The following IRX2 variants were observed in gnomAD, a reference collection of about 807,000 sequenced individuals.
IRX2 encodes iroquois-class homeodomain protein IRX-2.
A neutral mutation model predicts 42.9 loss-of-function variants in IRX2; 26 were observed. That is an observed-to-expected ratio of 0.61 (90% CI 0.44 to 0.84). The LOEUF (loss-of-function observed/expected upper bound fraction) is 0.84. IRX2 is among the 40% of genes least tolerant of loss of function. The pLI is 0.00. For missense variants in IRX2, 782 were observed against 713.9 expected (o/e 1.10, Z -1.09); for synonymous variants, 424 against 353.9 (o/e 1.20, Z -2.22).
Position 2,751,575 on chromosome 5 carries a change from G to C in IRX2, c.-162C>G, listed in dbSNP as rs1043433131. On this transcript the variant is annotated 5_prime_UTR_variant, in exon 1 of 4. Coordinates refer to ENST00000302057, the MANE Select transcript of IRX2 (RefSeq NM_033267.5). This position sits in a 1 kb window ranked among gnomAD's most constrained non-coding sequence, Gnocchi z 4.0. ...TAGCCTGGGCGGCCCGCGGGCCGGGGCGGCGGCGGGGTGGCGGTGGCGGCG... is the reference window on the plus strand; with the variant it reads ...TAGCCTGGGCGGCCCGCGGGCCGGGCCGGCGGCGGGGTGGCGGTGGCGGCG... 1 of 264,310 alleles carries C rather than the reference G, an allele frequency of 3.8e-6. No homozygotes were observed. The highest frequency in any genetic ancestry group is 5.8e-6 in the Non-Finnish European group (1 of 173,790). The allele number at this position is 264,310 out of a possible 1,614,324, so 16.4% of individuals were successfully genotyped here.
the IRX2 span, among the ~76,000 whole-genome samples, chr5:2,738,183 T>G: frequency 6.6e-6 from 1 of 152,206 alleles, no homozygotes; most frequent in Non-Finnish European, 1.5e-5. Flanking sequence ...GCCCCTTCCT[T>G]TATAAAACAG....
chr5:2,749,086 G>A (rs1737818156), intron 2 of IRX2, 34 bp from the exon 3 acceptor site: 10 of 1,587,476 alleles, frequency 6.3e-6, no homozygotes, highest in Non-Finnish European at 7.7e-6. Context: ...GTGGCACGAG[G>A]GGACAGCGCA....
the IRX2 span, among the ~76,000 whole-genome samples, chr5:2,738,619 G>A: frequency 1.3e-5 from 2 of 152,184 alleles, 1 homozygote; most frequent in East Asian, 3.9e-4. Flanking sequence ...CAGTGACCCC[G>A]AGTCCAATGG....
chr5:2,739,546 C>T, the IRX2 span, among the ~76,000 whole-genome samples: 1 of 152,186 alleles, frequency 6.6e-6, no homozygotes, highest in Non-Finnish European at 1.5e-5. Flanking sequence ...ACCGGGGGGA[C>T]CGGGGAGGAG....
In IRX2 at chr5:2,751,414, G is replaced by A. The variant is rs939129130; in HGVS notation, c.-1C>T. On this transcript the variant is annotated 5_prime_UTR_variant, in exon 1 of 4. Coordinates refer to ENST00000302057, the MANE Select transcript of IRX2 (RefSeq NM_033267.5). This position sits in a 1 kb window ranked among gnomAD's most constrained non-coding sequence, Gnocchi z 4.0. ...ACAGGTAGCCCTGCGGGTAGGACAT[G>A]GTGGGCGCGGGGCGCGGGGCCCGCG... The A allele has an allele frequency of 2.3e-6, 3 of 1,328,790 alleles. No individual in the cohort carries two copies. The African/African-American group carries it at 4.7e-5, about 21-fold the overall frequency. 82.3% of individuals were successfully genotyped at this position (1,328,790 alleles called of 1,614,324 possible).
chr5:2,751,223 C>A lies in IRX2; in HGVS notation c.191G>T (p.Ser64Ile). The A allele has an allele frequency of 7.4e-7, 1 of 1,358,916 alleles. No homozygotes were observed. Among genetic ancestry groups the A allele is most frequent in the Non-Finnish European group, 9.5e-7 (1 of 1,056,372 alleles). 84.2% of individuals were successfully genotyped at this position (1,358,916 alleles called of 1,614,324 possible). Residue 64 changes from serine to isoleucine, a missense_variant, in exon 1 of 4, where the codon AGC becomes ATC. Ser to Ile is a moderately radical substitution (Grantham distance 142). Around this residue, in one of 3 missense-constraint regions of IRX2, gnomAD observed 256 missense variants for 250.0 expected, o/e 1.02. Coordinates refer to ENST00000302057, the MANE Select transcript of IRX2 (RefSeq NM_033267.5). This position sits in a 1 kb window ranked among gnomAD's most constrained non-coding sequence, Gnocchi z 4.0. ...GGCGTCGGCCGAGTACTGCAGCGGG[C>A]TCCCGAAGCCGGTGGCCGCCTGCGC... ...FTAQAATGFG[S>I]PLQYSADAAA... is the part of the protein sequence containing the mutation.
the IRX2 span, among the ~76,000 whole-genome samples, chr5:2,736,361 A>G: frequency 6.6e-6 from 1 of 152,222 alleles, no homozygotes; most frequent in Admixed American, 6.5e-5. Context: ...CTTTCATCTC[A>G]GGGATTAAAT....
In IRX2 at chr5:2,751,355, C is replaced by T; in HGVS notation, c.59G>A (p.Cys20Tyr). 1 of 1,436,432 alleles carries T rather than the reference C, an allele frequency of 7.0e-7. No individual in the cohort carries two copies. The highest frequency in any genetic ancestry group is 9.1e-7 in the Non-Finnish European group (1 of 1,095,354). 89.0% of individuals were successfully genotyped at this position (1,436,432 alleles called of 1,614,324 possible). A position where few individuals can be genotyped will look rare whatever the true frequency, so the allele number is the denominator to read the frequency against. Reference protein sequence around the residue: ...QAPGSLALYSCPAYGASALAA... With the variant: ...QAPGSLALYSYPAYGASALAA... ...CAAAGCCGACGCGCCGTAGGCCGGG[C>T]ACGAGTAGAGCGCCAGCGAGCCGGG... The change falls in exon 1 of 4, where the codon TGC (cysteine) becomes TAC (tyrosine). Residue 20 changes from cysteine (C) to tyrosine (Y), a missense_variant. This residue lies in a region of IRX2 where 256 missense variants were observed against 250.0 expected (regional missense o/e 1.02). Coordinates refer to ENST00000302057, the MANE Select transcript of IRX2 (RefSeq NM_033267.5). The surrounding 1 kb of genome is among the most constrained non-coding windows in gnomAD (Gnocchi z 4.0).
rs1258431308 is a variant in IRX2 at position 2,746,316 on chromosome 5, AC to A, written c.*1247del. 6.6e-6 allele frequency: 1 copy of A among 152,252 alleles called. No individual in the cohort carries two copies. The highest frequency in any genetic ancestry group is 1.5e-5 in the Non-Finnish European group (1 of 68,038). The allele number at this position is 152,252 out of a possible 1,614,324, so 9.4% of individuals were successfully genotyped here. A position where few individuals can be genotyped will look rare whatever the true frequency, so the allele number is the denominator to read the frequency against. ...CAAAAAGTTTAGATTCCATTGCAATACAACTTGCATAAATTACTAGAAGCTT... is the reference window on the plus strand; with the variant it reads ...CAAAAAGTTTAGATTCCATTGCAATAAACTTGCATAAATTACTAGAAGCTT... On this transcript the variant is annotated 3_prime_UTR_variant, in exon 4 of 4. Coordinates refer to ENST00000302057, the MANE Select transcript of IRX2 (RefSeq NM_033267.5).
the IRX2 span, chr5:2,737,134 C>CA: frequency 6.6e-6 from 1 of 152,228 alleles, no homozygotes; most frequent in African/African-American, 2.4e-5. Context: ...TGTGGAACCC[C>CA]AAAACCTGAC....
At chr5:2,741,806 AC>A (rs1737548138), downstream of IRX2, among the ~76,000 whole-genome samples, 1 of 152,246 alleles carries the variant, frequency 6.6e-6, no homozygotes, top group African/African-American at 2.4e-5. Context: ...TAAGAATATT[AC>A]ATTTCATTTA....
At chr5:2,748,208 ACT>A (rs1203798757) in intron 3 of IRX2, 135 bp downstream of exon 3, 2 of 710,510 alleles carry the variant, frequency 2.8e-6, no homozygotes, top group Non-Finnish European at 4.1e-6. Context: ...CTCCGCCCTC[ACT>A]CTGCTAATTC....
chr5:2,740,152 G>C, the IRX2 span, among the ~76,000 whole-genome samples: 1 of 151,948 alleles, frequency 6.6e-6, no homozygotes, highest in Non-Finnish European at 1.5e-5. Context: ...AGGCGGCCGG[G>C]TCTGGGGCCG....
Position 2,748,368 on chromosome 5 carries a change from C to T in IRX2, c.1340G>A (p.Gly447Asp), listed in dbSNP as rs909493589. 38 of 1,459,206 alleles carry T rather than the reference C, an allele frequency of 2.6e-5. No individual in the cohort carries two copies. Among genetic ancestry groups the T allele is most frequent in the Non-Finnish European group, 3.2e-5 (36 of 1,113,616 alleles). 90.4% of individuals were successfully genotyped at this position (1,459,206 alleles called of 1,614,324 possible). The change falls in exon 3 of 4, where the codon GGC becomes GAC. Residue 447 changes from glycine to aspartate, a missense_variant. Physicochemically the swap from Gly to Asp is moderately conservative, Grantham distance 94. This residue lies in a region of IRX2 where 520 missense variants were observed against 437.8 expected (regional missense o/e 1.19). Transcript: ENST00000302057. Reference sequence around the variant, plus strand: ...ACCTTTCTTGGGCTCGTAGCCGCCGCCCGGGGACCGGTAGTGGGACTCGAG... The same window carrying T: ...ACCTTTCTTGGGCTCGTAGCCGCCGTCCGGGGACCGGTAGTGGGACTCGAG... ...HPLESHYRSP[G>D]GGYEPKKDAS...
At chr5:2,736,416 GA>G in the IRX2 span, among the ~76,000 whole-genome samples, 2 of 152,196 alleles carry the variant, frequency 1.3e-5, no homozygotes, top group Admixed American at 6.5e-5. Context: ...ACTTTTTAAT[GA>G]AAACTTTTTA....
rs1449342352 is a variant in IRX2, at chr5:2,749,373, C to T, written c.655+9G>A. On this transcript the variant is annotated intron_variant, in intron 2 of 3. Coordinates refer to ENST00000302057, the MANE Select transcript of IRX2 (RefSeq NM_033267.5). ...CCCCGAGACCTTGCGCCGGCCGCTGCCCGCTCACCTTCGTCCTCTGCCGAG... is the reference window on the plus strand; with the variant it reads ...CCCCGAGACCTTGCGCCGGCCGCTGTCCGCTCACCTTCGTCCTCTGCCGAG... 6.3e-7 allele frequency: 1 copy of T among 1,584,554 alleles called. No individual in the cohort carries two copies. Among genetic ancestry groups the T allele is most frequent in the African/African-American group, 1.4e-5 (1 of 73,252 alleles).
chr5:2,750,370 G>A (rs1737897077), intron 1 of IRX2, among the ~76,000 whole-genome samples: 1 of 152,220 alleles, frequency 6.6e-6, no homozygotes, highest in Non-Finnish European at 1.5e-5. Context: ...AGGCCCCAGC[G>A]ACTCGGTCGC....
At position 2,749,031 on chromosome 5, in the gene IRX2, G is replaced by T; in HGVS notation, c.677C>A (p.Ser226Ter). ...GGCCGAGCACGAGTGATCCGTGAGC[G>T]AGTCCACGTGCAGGCTGATCCCTGT... Reference protein sequence around the residue: ...EDEGISLHVDSLTDHSCSAES... With the variant: ...EDEGISLHVD Residue 226 changes from serine to a stop codon, truncating the protein, a stop_gained, in exon 3 of 4, where the codon TCG becomes TAG. Transcript: ENST00000302057. LOFTEE classifies it high-confidence loss of function. 1 of 1,596,854 alleles carries T rather than the reference G, an allele frequency of 6.3e-7. No individual in the cohort carries two copies. Among genetic ancestry groups the T allele is most frequent in the Non-Finnish European group, 8.5e-7 (1 of 1,179,156 alleles).
chr5:2,747,680 G>T (rs1737723864), intron 3 of IRX2, 64 bp from the exon 4 acceptor site: 2 of 1,512,416 alleles, frequency 1.3e-6, no homozygotes, highest in East Asian at 2.3e-5. Flanking sequence ...GCAGACCACC[G>T]TGCACCCACC....
Sources: allele counts gnomAD v4.1 joint callset (sites outside exome capture counted in the v4.1 genomes callset), GRCh38; gene constraint gnomAD v4.1.1; regional missense constraint gnomAD v4.1.1; non-coding constraint Gnocchi (gnomAD v3.1); transcripts MANE v1.5; gene names NCBI Gene and HGNC (gene_info 2026-07-23, HGNC 2026-07-21).